The following DNA2 variants were observed in gnomAD, a reference collection of about 807,000 sequenced individuals.
DNA2 encodes DNA replication helicase/nuclease 2, also known as DNA replication ATP-dependent helicase/nuclease DNA2.
In DNA2, 101 loss-of-function variants were observed where a neutral mutation model predicts 119.1. The ratio of observed to expected loss-of-function variants is 0.85; its 90% CI spans 0.72 to 1.00. The LOEUF (loss-of-function observed/expected upper bound fraction) is 1.00. DNA2 is among the 50% of genes least tolerant of loss of function. The probability of loss-of-function intolerance (pLI) is 0.00; values close to 1 mark genes in which losing one functional copy is unlikely to be tolerated. For missense variants in DNA2, 1,121 were observed against 1,255.5 expected (o/e 0.89, Z 1.62); for synonymous variants, 366 against 424.4 (o/e 0.86, Z 1.69).
chr10:68,446,457 T>A, intron 6 of DNA2, 44 bp from the exon 7 acceptor site: 10 of 1,178,714 alleles, frequency 8.5e-6, no homozygotes, highest in Non-Finnish European at 1.2e-5. Context: ...TATAACTTCT[T>A]GTATTTCCTT....
chr10:68,468,181 G>C lies in DNA2; in HGVS notation c.383C>G (p.Thr128Ser). 1 of 1,611,014 alleles carries C rather than the reference G, an allele frequency of 6.2e-7. No homozygotes were observed. ...ACATCGAATACTACTGGCTATGCTG[G>C]TGCCAGAAATCAGCATGTCTGGATA... ...ILYPDMLISGTSIASSIRCMR... is the reference protein window; with the variant it reads ...ILYPDMLISGSSIASSIRCMR... The change falls in exon 3 of 21, where the codon ACC becomes AGC. Residue 128 changes from threonine to serine, a missense_variant. By Grantham distance (58) the Thr-to-Ser change is moderately conservative (BLOSUM62 1). Transcript: ENST00000358410.
intron 5 of DNA2, among the ~76,000 whole-genome samples, chr10:68,458,540 G>T (rs199666267): frequency 6.8e-5 from 7 of 102,808 alleles, no homozygotes; most frequent in Non-Finnish European, 1.5e-4. Flanking sequence ...TATCAAAAAA[G>T]AAAAAAAAAA....
chr10:68,454,937 A>C, intron 5 of DNA2, among the ~76,000 whole-genome samples: 1 of 106,434 alleles, frequency 9.4e-6, no homozygotes, highest in East Asian at 3.0e-4. Context: ...AGATAAAATT[A>C]GGATTTTTTT....
chr10:68,429,711 C>CAAAAAA (rs1165329779), intron 14 of DNA2, among the ~76,000 whole-genome samples: 8 of 40,428 alleles, frequency 2.0e-4, no homozygotes, highest in East Asian at 9.4e-4. Flanking sequence ...GACTCCATCT[C>CAAAAAA]AAAAAAAAAA....
intron 14 of DNA2, among the ~76,000 whole-genome samples, chr10:68,429,456 A>G (rs2133374653): frequency 6.6e-6 from 1 of 151,476 alleles, no homozygotes; most frequent in East Asian, 1.9e-4. Context: ...AAGCAGGAGA[A>G]TCGCTTGAAT....
intron 9 of DNA2, among the ~76,000 whole-genome samples, chr10:68,441,938 T>G (rs1041261782): frequency 6.6e-6 from 1 of 152,154 alleles, no homozygotes; most frequent in Non-Finnish European, 1.5e-5. Flanking sequence ...AAATAATTTT[T>G]TTTTTTTGAG....
At chr10:68,442,834 T>C (rs1590061853) in intron 9 of DNA2, 83 bp downstream of exon 9, 5 of 1,152,580 alleles carry the variant, frequency 4.3e-6, no homozygotes, top group Non-Finnish European at 6.1e-6. Flanking sequence ...GCTTCATAAC[T>C]TGTATTTGTC....
intron 20 of DNA2, 52 bp from the exon 21 acceptor site, chr10:68,415,159 T>G: frequency 9.0e-7 from 1 of 1,112,746 alleles, no homozygotes; most frequent in Non-Finnish European, 1.3e-6. Flanking sequence ...TGGCATAAAT[T>G]TATGACATTA....
At chr10:68,446,777 G>A (rs1409815319) in intron 6 of DNA2, among the ~76,000 whole-genome samples, 1 of 152,142 alleles carries the variant, frequency 6.6e-6, no homozygotes, top group Non-Finnish European at 1.5e-5. Context: ...ACTTGTGGGA[G>A]CAAAAAATTA....
intron 19 of DNA2, 33 bp downstream of exon 19, chr10:68,419,001 C>T (rs1159719545): frequency 6.5e-7 from 1 of 1,546,478 alleles, no homozygotes; most frequent in East Asian, 2.4e-5. Flanking sequence ...AGAAATGCCC[C>T]AAATGAATCA....
At chr10:68,444,794 C>T (rs1243694402) in intron 8 of DNA2, 127 bp downstream of exon 8, 25 of 434,350 alleles carry the variant, frequency 5.8e-5, no homozygotes, top group Non-Finnish European at 9.4e-5. Flanking sequence ...AGAAATAATA[C>T]GAAGGAAAAT....
upstream of DNA2, chr10:68,472,141 G>C: frequency 7.2e-7 from 1 of 1,396,648 alleles, no homozygotes; most frequent in South Asian, 1.4e-5. Flanking sequence ...CAGACTAAAC[G>C]CTCCTGCCTT....
At chr10:68,423,612 T>C (rs966909464) in intron 14 of DNA2, among the ~76,000 whole-genome samples, 16 of 151,936 alleles carry the variant, frequency 1.1e-4, no homozygotes, top group Non-Finnish European at 1.9e-4. Context: ...GGGAGGAGGG[T>C]AGATCTCTGC....
chr10:68,440,284 CTT>C lies in DNA2; in HGVS notation c.1415+2631_1415+2632del, dbSNP rs575497725. On this transcript the variant is annotated intron_variant, in intron 9 of 20. Transcript: ENST00000358410. Reference sequence around the variant, plus strand: ...CTCCAGCCTGGGTAACAGAGTAAGACTTTTTTATTTTTTATTTATTTATTTAT... The same window carrying C: ...CTCCAGCCTGGGTAACAGAGTAAGACTTTTATTTTTTATTTATTTATTTAT... Among the ~76,000 whole-genome samples, 196 of 152,138 alleles carry C rather than the reference CTT, an allele frequency of 1.3e-3. 1 individual carries two copies. The highest frequency in any genetic ancestry group is 0.01 in the Middle Eastern group (3 of 294).
At chr10:68,459,261 A>T (rs1042599082) in intron 4 of DNA2, 26 bp from the exon 5 acceptor site, 6 of 1,512,712 alleles carry the variant, frequency 4.0e-6, no homozygotes, top group Non-Finnish European at 5.3e-6. Flanking sequence ...TAGTAAATAG[A>T]CTTAGACTTA....
intron 18 of DNA2, chr10:68,419,426 T>C (rs1047173745): frequency 1.9e-6 from 1 of 536,152 alleles, no homozygotes; most frequent in Admixed American, 3.6e-5. Context: ...CCTTAATTTT[T>C]AGTTTCATGA....
chr10:68,470,275 A>G (rs1308874171), intron 1 of DNA2, 112 bp from the exon 2 acceptor site: 2 of 933,136 alleles, frequency 2.1e-6, no homozygotes, highest in African/African-American at 1.7e-5. Flanking sequence ...TTCTTCTGAA[A>G]AGCTTATTGC....
intron 4 of DNA2, among the ~76,000 whole-genome samples, chr10:68,465,143 C>A (rs1200125289): frequency 6.6e-6 from 1 of 151,628 alleles, no homozygotes; most frequent in African/African-American, 2.4e-5. Flanking sequence ...CTCAGCCTTC[C>A]GAGTAGCTGG....
chr10:68,472,024 C>G (rs181429046), upstream of DNA2: 1,693 of 1,607,988 alleles, frequency 1.1e-3, 11 homozygotes, highest in African/African-American at 0.019. Context: ...GCCCCTCCCG[C>G]GCCGGCGCGT....
Sources: allele counts gnomAD v4.1 joint callset (sites outside exome capture counted in the v4.1 genomes callset), GRCh38; gene constraint gnomAD v4.1.1; transcripts MANE v1.5; gene names NCBI Gene and HGNC (gene_info 2026-07-23, HGNC 2026-07-21).